The following TOX2 variants were observed in gnomAD, a reference collection of about 807,000 sequenced individuals.
The protein encoded by TOX2 is granulosa cell HMG box 1.
TOX2 carries 15 observed loss-of-function variants against 47.4 expected under a neutral mutation model. The observed-to-expected ratio is 0.32, with a 90% CI of 0.21 to 0.49. The LOEUF (loss-of-function observed/expected upper bound fraction) is 0.49. TOX2 is among the 20% of genes least tolerant of loss of function. The pLI is 0.99. For missense variants in TOX2, 622 were observed against 673.1 expected, an observed-to-expected ratio of 0.92 and a Z score of 0.84; for synonymous variants, 290 against 296.6, an observed-to-expected ratio of 0.98 and a Z score of 0.23.
At chr20:44,003,212 G>T (rs978052743) in intron 2 of TOX2, among the ~76,000 whole-genome samples, 1 of 148,690 alleles carries the variant, frequency 6.7e-6, no homozygotes, top group Non-Finnish European at 1.5e-5. Context: ...TTTAAGATGA[G>T]GTCTCCCTCT....
At chr20:44,037,544 T>C (rs2071260496) in intron 3 of TOX2, among the ~76,000 whole-genome samples, 1 of 152,144 alleles carries the variant, frequency 6.6e-6, no homozygotes. Flanking sequence ...CTTAGGCAAA[T>C]CACTTAACTC....
At chr20:44,017,205 G>A (rs1461655696) in intron 3 of TOX2, among the ~76,000 whole-genome samples, 1 of 152,198 alleles carries the variant, frequency 6.6e-6, no homozygotes. Flanking sequence ...GATAGAGCTG[G>A]GACTTGAACC....
At chr20:43,995,462 A>G (rs2070457123) in intron 2 of TOX2, among the ~76,000 whole-genome samples, 1 of 152,210 alleles carries the variant, frequency 6.6e-6, no homozygotes, top group South Asian at 2.1e-4. Flanking sequence ...TCTGTTGTGA[A>G]AACAGAGTTG....
chr20:44,029,289 G>C (rs899117830), intron 3 of TOX2, among the ~76,000 whole-genome samples: 1 of 152,192 alleles, frequency 6.6e-6, no homozygotes, highest in African/African-American at 2.4e-5. Context: ...TTGCTGTGCT[G>C]ACCTGCTTGG....
rs183209270 is a variant in TOX2, at chr20:44,052,588, A to C, written c.651+1043A>C. 1.1e-3 allele frequency among the ~76,000 whole-genome samples: 161 copies of C among 152,294 alleles called. 1 individual carries two copies. The highest frequency in any genetic ancestry group is 8.8e-4 in the Non-Finnish European group (60 of 68,022). ...CGACCTCTATTATAGTCCATGCAGG[A>C]ACGGTTTTTATTTAACAAACACTCT... On this transcript the variant is annotated intron_variant, in intron 4 of 8. Coordinates refer to ENST00000341197, the MANE Select transcript of TOX2 (RefSeq NM_001098797.2).
At chr20:44,065,288 G>A (rs1292670036) in intron 6 of TOX2, among the ~76,000 whole-genome samples, 2 of 152,242 alleles carry the variant, frequency 1.3e-5, no homozygotes, top group Admixed American at 1.3e-4. Context: ...GGCTGCGGAT[G>A]CGTGGCCCAA....
At chr20:44,066,252 C>G (rs986457210) in intron 7 of TOX2, 145 bp downstream of exon 7, 23 of 908,172 alleles carry the variant, frequency 2.5e-5, no homozygotes, top group Non-Finnish European at 3.4e-5. Context: ...GTTACCACAT[C>G]TAGGAAGTGG....
intron 2 of TOX2, among the ~76,000 whole-genome samples, chr20:44,000,801 G>A (rs1392001087): frequency 1.3e-5 from 2 of 152,276 alleles, no homozygotes; most frequent in African/African-American, 4.8e-5. Flanking sequence ...GAAATGGCCT[G>A]TGATGTTGAA....
intron 3 of TOX2, among the ~76,000 whole-genome samples, chr20:44,025,870 C>T (rs1457282578): frequency 6.6e-6 from 1 of 151,952 alleles, no homozygotes; most frequent in Non-Finnish European, 1.5e-5. Context: ...TGGTAACCAT[C>T]ATAGCGCCTG....
At chr20:43,967,877 G>A (rs923893726) in intron 1 of TOX2, among the ~76,000 whole-genome samples, 6 of 152,012 alleles carry the variant, frequency 3.9e-5, no homozygotes, top group African/African-American at 1.4e-4. Flanking sequence ...GCAACACAAG[G>A]GATAAATGCT....
Position 43,916,208 on chromosome 20 carries a change from G to T in TOX2, c.99+1218G>T. 1.0e-6 allele frequency: 1 copy of T among 985,608 alleles called. No individual in the cohort carries two copies. The highest frequency in any genetic ancestry group is 1.7e-5 in the African/African-American group (1 of 57,378). 61.1% of individuals were successfully genotyped at this position (985,608 alleles called of 1,614,324 possible). Reference sequence around the variant, plus strand: ...ACGCGTGGGCTCCGTGGCGATGCGGGGTGAGTGCGCGTCCAGTGGCTGGAT... The same window carrying T: ...ACGCGTGGGCTCCGTGGCGATGCGGTGTGAGTGCGCGTCCAGTGGCTGGAT... On this transcript the variant is annotated intron_variant, in intron 1 of 8. Coordinates refer to ENST00000341197, the MANE Select transcript of TOX2 (RefSeq NM_001098797.2). The surrounding 1 kb of genome is among the most constrained non-coding windows in gnomAD (Gnocchi z 5.0).
At chr20:44,061,384 G>C (rs2071715678) in intron 5 of TOX2, among the ~76,000 whole-genome samples, 1 of 152,010 alleles carries the variant, frequency 6.6e-6, no homozygotes, top group Non-Finnish European at 1.5e-5. Flanking sequence ...CCCAAACCAG[G>C]AAAGGACATA....
chr20:43,940,650 A>G (rs1451337058), intron 1 of TOX2, among the ~76,000 whole-genome samples: 12 of 151,992 alleles, frequency 7.9e-5, no homozygotes, highest in African/African-American at 2.4e-4. Context: ...AGTCGCAGGG[A>G]TGGAGGGAGA....
chr20:43,916,804 G>C lies in TOX2; in HGVS notation c.99+1814G>C, dbSNP rs1194101916. On this transcript the variant is annotated intron_variant, in intron 1 of 8. Coordinates refer to ENST00000341197, the MANE Select transcript of TOX2 (RefSeq NM_001098797.2). The surrounding 1 kb of genome is among the most constrained non-coding windows in gnomAD (Gnocchi z 5.0). The stretch of plus-strand genomic sequence containing the variant: ...GTGGGGGTTTAGCCTGGAGCGCTCC[G>C]TTTGAGGGTGGTGTTTCTATAAATC... Among the ~76,000 whole-genome samples the C allele has an allele frequency of 6.6e-6, 1 of 152,204 alleles. No individual in the cohort carries two copies. The highest frequency in any genetic ancestry group is 2.4e-5 in the African/African-American group (1 of 41,440).
At chr20:43,918,188 C>A (rs995514014) in intron 1 of TOX2, among the ~76,000 whole-genome samples, 1 of 152,200 alleles carries the variant, frequency 6.6e-6, no homozygotes, top group African/African-American at 2.4e-5. Flanking sequence ...GGCTGGGGGA[C>A]AGCTGGGGGA....
At chr20:44,011,308 G>A (rs1440243648) in intron 3 of TOX2, among the ~76,000 whole-genome samples, 1 of 152,184 alleles carries the variant, frequency 6.6e-6, no homozygotes, top group Non-Finnish European at 1.5e-5. Context: ...GTGCCCACTA[G>A]GTACCAGGCA....
chr20:43,995,893 C>T (rs2070468560), intron 2 of TOX2, among the ~76,000 whole-genome samples: 1 of 152,150 alleles, frequency 6.6e-6, no homozygotes, highest in African/African-American at 2.4e-5. Context: ...GTACCACATA[C>T]AACATTTTCT....
At chr20:43,946,939 C>A (rs2069483916) in intron 1 of TOX2, among the ~76,000 whole-genome samples, 1 of 152,118 alleles carries the variant, frequency 6.6e-6, no homozygotes, top group South Asian at 2.1e-4. Flanking sequence ...CATGTGTGTC[C>A]CAGCAAAAGA....
intron 1 of TOX2, among the ~76,000 whole-genome samples, chr20:43,938,122 G>T (rs1315302559): frequency 6.6e-6 from 1 of 152,190 alleles, no homozygotes; most frequent in Non-Finnish European, 1.5e-5. Flanking sequence ...CCCAGTGACT[G>T]CACGGTGGAG....
Sources: allele counts gnomAD v4.1 joint callset (sites outside exome capture counted in the v4.1 genomes callset), GRCh38; gene constraint gnomAD v4.1.1; non-coding constraint Gnocchi (gnomAD v3.1); transcripts MANE v1.5; gene names NCBI Gene and HGNC (gene_info 2026-07-23, HGNC 2026-07-21).